Variants in ZHX3 observed in about 807,000 individuals in gnomAD.
The protein encoded by ZHX3 is zinc fingers and homeoboxes protein 3.
ZHX3 carries 20 observed loss-of-function variants against 64.5 expected under a neutral mutation model. The ratio of observed to expected loss-of-function variants is 0.31; its 90% CI spans 0.22 to 0.45. The LOEUF (loss-of-function observed/expected upper bound fraction) is 0.45. Ranked by LOEUF, ZHX3 falls within the 20% of genes least tolerant of loss-of-function variation. ZHX3 has a pLI of 1.00. For missense variants in ZHX3, 1,041 were observed against 1,195.8 expected (o/e 0.87, Z 1.91); for synonymous variants, 423 against 461.6 (o/e 0.92, Z 1.07).
chr20:41,287,605 G>A (rs1015263324), intron 1 of ZHX3, among the ~76,000 whole-genome samples: 2 of 152,128 alleles, frequency 1.3e-5, no homozygotes, highest in Admixed American at 1.3e-4. Flanking sequence ...ATGCCCCGAG[G>A]GGAAGCCAAT....
chr20:41,232,450 G>C lies in ZHX3; in HGVS notation c.-150-27384C>G, dbSNP rs1034354557. On this transcript the variant is annotated intron_variant, in intron 2 of 3. Transcript: ENST00000683867. The surrounding 1 kb of genome is among the most constrained non-coding windows in gnomAD (Gnocchi z 5.0). Reference sequence around the variant, plus strand: ...GTAGGGTGTGTTCAGGTCTTCAACAGTCCTTTGTTGAGGGCAAATTCTCAA... The same window carrying C: ...GTAGGGTGTGTTCAGGTCTTCAACACTCCTTTGTTGAGGGCAAATTCTCAA... Among the ~76,000 whole-genome samples the C allele has an allele frequency of 1.3e-5, 2 of 152,288 alleles. No individual in the cohort carries two copies. Among genetic ancestry groups the C allele is most frequent in the Non-Finnish European group, 2.9e-5 (2 of 68,022 alleles).
Position 41,203,529 on chromosome 20 carries a change from C to A in ZHX3, c.1388G>T (p.Cys463Phe), listed in dbSNP as rs777552769. Residue 463 changes from cysteine to phenylalanine, a missense_variant, in exon 3 of 4, where the codon TGT becomes TTT. This residue lies in a region of ZHX3 where 649 missense variants were observed against 739.8 expected (regional missense o/e 0.88). Coordinates refer to ENST00000683867, the MANE Select transcript of ZHX3 (RefSeq NM_001384317.1). The surrounding 1 kb of genome is among the most constrained non-coding windows in gnomAD (Gnocchi z 7.1). ...CTTCACAGCTGACGTTGTATTTGAACACACAGTGTTAATGGGTGCCACACC... is the reference window on the plus strand; with the variant it reads ...CTTCACAGCTGACGTTGTATTTGAAAACACAGTGTTAATGGGTGCCACACC... ...QPGVAPINTVCSNTTSAVKVV... is the reference protein window; with the variant it reads ...QPGVAPINTVFSNTTSAVKVV... 1.9e-6 allele frequency: 3 copies of A among 1,614,016 alleles called. No homozygotes were observed. In the African/African-American group the frequency reaches 4.0e-5, roughly 22 times the overall value.
At chr20:41,186,079 A>G (rs749152136) in intron 3 of ZHX3, among the ~76,000 whole-genome samples, 1 of 152,258 alleles carries the variant, frequency 6.6e-6, no homozygotes, top group Non-Finnish European at 1.5e-5. Context: ...TTACAATGTT[A>G]TAAAACCATC....
intron 2 of ZHX3, among the ~76,000 whole-genome samples, chr20:41,263,974 CAAAAA>C (rs148992831): frequency 1.3e-3 from 197 of 151,984 alleles, no homozygotes; most frequent in African/African-American, 4.6e-3. Flanking sequence ...AAACAGGACA[CAAAAA>C]GAAGCAATAA....
chr20:41,241,345 A>T (rs1019900765), intron 2 of ZHX3, among the ~76,000 whole-genome samples: 2 of 152,094 alleles, frequency 1.3e-5, no homozygotes, highest in African/African-American at 4.8e-5. Flanking sequence ...GCCCATTTTT[A>T]ATGGGATTAT....
chr20:41,191,879 T>C (rs1386747480), intron 3 of ZHX3, among the ~76,000 whole-genome samples: 1 of 152,154 alleles, frequency 6.6e-6, no homozygotes, highest in Non-Finnish European at 1.5e-5. Flanking sequence ...CAGGCACCAG[T>C]GGTAGCAGCA....
chr20:41,279,178 A>T (rs953771221), intron 1 of ZHX3, among the ~76,000 whole-genome samples: 1 of 152,206 alleles, frequency 6.6e-6, no homozygotes, highest in South Asian at 2.1e-4. Flanking sequence ...AACGAGTATG[A>T]AAGTTTTAAA....
At position 41,263,484 on chromosome 20, in the gene ZHX3, TC is replaced by T. The variant is rs529971547; in HGVS notation, c.-151+5505del. ...ATCTCGGCTCACTGCAACCTCTGCC[TC>T]CCGGGTTCAAGCAATTCTCCTGCCT... is the stretch of plus-strand genomic sequence containing the variant. On this transcript the variant is annotated intron_variant, in intron 2 of 3. Transcript: ENST00000683867. Among the ~76,000 whole-genome samples, 114 of 150,444 alleles carry T rather than the reference TC, an allele frequency of 7.6e-4. 2 individuals carry two copies. The highest frequency in any genetic ancestry group is 2.7e-3 in the African/African-American group (112 of 40,862).
intron 2 of ZHX3, among the ~76,000 whole-genome samples, chr20:41,257,153 T>A (rs906308044): frequency 6.6e-6 from 1 of 152,180 alleles, no homozygotes; most frequent in South Asian, 2.1e-4. Flanking sequence ...CACATGGATG[T>A]GCACCAATTT....
At chr20:41,247,825 T>G (rs540633643) in intron 2 of ZHX3, among the ~76,000 whole-genome samples, 9 of 152,318 alleles carry the variant, frequency 5.9e-5, no homozygotes, top group African/African-American at 1.7e-4. Context: ...GTCTGCCCAC[T>G]TCAGCCTGGT....
At chr20:41,241,938 C>A (rs6129778) in intron 2 of ZHX3, among the ~76,000 whole-genome samples, 36,325 of 151,890 alleles carry the variant, frequency 0.24, 5,241 homozygotes, top group East Asian at 0.73. Flanking sequence ...AAATCATGAC[C>A]TCTAGAGTGT....
In ZHX3 at chr20:41,232,177, G is replaced by A. The variant is rs538301442; in HGVS notation, c.-150-27111C>T. On this transcript the variant is annotated intron_variant, in intron 2 of 3. Transcript: ENST00000683867. The surrounding 1 kb of genome is among the most constrained non-coding windows in gnomAD (Gnocchi z 5.0). Reference sequence around the variant, plus strand: ...TTTTGCCTAGGCAAGAGAAAAGGCCGAAGGGTGACTTAATAACCATCTTCA... The same window carrying A: ...TTTTGCCTAGGCAAGAGAAAAGGCCAAAGGGTGACTTAATAACCATCTTCA... Among the ~76,000 whole-genome samples the A allele has an allele frequency of 2.6e-5, 4 of 152,192 alleles. No individual in the cohort carries two copies. The highest frequency in any genetic ancestry group is 2.1e-4 in the South Asian group (1 of 4,820).
intron 3 of ZHX3, among the ~76,000 whole-genome samples, chr20:41,191,538 T>C (rs2037019145): frequency 6.6e-6 from 1 of 152,230 alleles, no homozygotes; most frequent in African/African-American, 2.4e-5. Context: ...AGGAAATTTA[T>C]TGTGTTCCTT....
At chr20:41,273,703 A>G (rs1043384142) in intron 1 of ZHX3, among the ~76,000 whole-genome samples, 4 of 152,162 alleles carry the variant, frequency 2.6e-5, no homozygotes, top group African/African-American at 7.2e-5. Flanking sequence ...CCACTGATCT[A>G]TATGTCTATT....
intron 1 of ZHX3, among the ~76,000 whole-genome samples, chr20:41,293,355 G>A (rs1348671705): frequency 3.3e-5 from 5 of 152,100 alleles, no homozygotes; most frequent in African/African-American, 1.2e-4. Context: ...TTTGGAAGGA[G>A]GTTTCCACAA....
intron 2 of ZHX3, among the ~76,000 whole-genome samples, chr20:41,266,303 G>T (rs1466658580): frequency 6.6e-6 from 1 of 152,134 alleles, no homozygotes; most frequent in Non-Finnish European, 1.5e-5. Flanking sequence ...GTGTCACCAG[G>T]TAGTAGGTAC....
chr20:41,263,447 T>C (rs1454395205), intron 2 of ZHX3, among the ~76,000 whole-genome samples: 1 of 151,468 alleles, frequency 6.6e-6, no homozygotes, highest in Non-Finnish European at 1.5e-5. Context: ...CAGGCTGCAG[T>C]GCAGTGGCGT....
intron 2 of ZHX3, among the ~76,000 whole-genome samples, chr20:41,234,896 A>G (rs970588925): frequency 6.6e-6 from 1 of 152,240 alleles, no homozygotes; most frequent in Non-Finnish European, 1.5e-5. Flanking sequence ...ATGAAATACA[A>G]GAGTTGGTAA....
intron 2 of ZHX3, among the ~76,000 whole-genome samples, chr20:41,205,832 C>T (rs1346810716): frequency 6.6e-6 from 1 of 152,192 alleles, no homozygotes; most frequent in Non-Finnish European, 1.5e-5. Context: ...GATCTGAGAA[C>T]AGTTGGACTG....
Sources: allele counts gnomAD v4.1 joint callset (sites outside exome capture counted in the v4.1 genomes callset), GRCh38; gene constraint gnomAD v4.1.1; regional missense constraint gnomAD v4.1.1; non-coding constraint Gnocchi (gnomAD v3.1); transcripts MANE v1.5; gene names NCBI Gene and HGNC (gene_info 2026-07-23, HGNC 2026-07-21).